AGBL4: variants seen among roughly 807,000 people sequenced by gnomAD.
AGBL4 encodes AGBL carboxypeptidase 4, also known as cytosolic carboxypeptidase 6.
Under a neutral mutation model 66.4 loss-of-function variants are expected in AGBL4, and 58 were observed. That is an observed-to-expected ratio of 0.87 (90% confidence interval 0.71 to 1.09). The LOEUF is 1.09. Among genes scored for constraint, AGBL4 ranks in the 50% least tolerant of loss-of-function variants. The probability of loss-of-function intolerance (pLI) is 0.00; values close to 1 mark genes in which losing one functional copy is unlikely to be tolerated. For missense variants in AGBL4, 579 were observed against 631.0 expected (o/e 0.92, Z 0.88); for synonymous variants, 234 against 222.9 (o/e 1.05, Z -0.44).
intron 3 of AGBL4, among the ~76,000 whole-genome samples, chr1:49,557,898 A>G (rs1643942572): frequency 6.6e-6 from 1 of 151,586 alleles, no homozygotes; most frequent in Non-Finnish European, 1.5e-5. Context: ...AGAAGAAAAC[A>G]TGGAAGAGTG....
intron 2 of AGBL4, among the ~76,000 whole-genome samples, chr1:49,710,962 G>A (rs769547496): frequency 5.3e-4 from 81 of 151,858 alleles, no homozygotes; most frequent in Non-Finnish European, 1.0e-3. Context: ...GAGTTGCCAG[G>A]AAGCATATAA....
intron 3 of AGBL4, among the ~76,000 whole-genome samples, chr1:49,431,140 T>G (rs977453242): frequency 6.6e-6 from 1 of 152,218 alleles, no homozygotes; most frequent in African/African-American, 2.4e-5. Context: ...GTTGAGTATA[T>G]ACTACTAGGA....
At chr1:49,816,447 A>C (rs1478582979) in intron 2 of AGBL4, among the ~76,000 whole-genome samples, 1 of 152,178 alleles carries the variant, frequency 6.6e-6, no homozygotes, top group Non-Finnish European at 1.5e-5. Flanking sequence ...TAGTGGTCCA[A>C]GGAAATATGT....
At chr1:49,376,179 C>T (rs987259287) in intron 3 of AGBL4, among the ~76,000 whole-genome samples, 1 of 152,064 alleles carries the variant, frequency 6.6e-6, no homozygotes, top group Non-Finnish European at 1.5e-5. Context: ...CCATTTCATA[C>T]CTTTATGCCT....
intron 3 of AGBL4, among the ~76,000 whole-genome samples, chr1:49,370,762 G>C (rs975871967): frequency 6.6e-6 from 1 of 152,092 alleles, no homozygotes; most frequent in African/African-American, 2.4e-5. Flanking sequence ...AAAATGCTTA[G>C]AATACAACAC....
intron 3 of AGBL4, among the ~76,000 whole-genome samples, chr1:49,442,778 G>A (rs1235133641): frequency 6.6e-6 from 1 of 152,148 alleles, no homozygotes; most frequent in East Asian, 1.9e-4. Context: ...TCCCAGTAAT[G>A]GGATTGCTGG....
chr1:49,625,969 T>C (rs895597828), intron 3 of AGBL4, among the ~76,000 whole-genome samples: 1 of 152,134 alleles, frequency 6.6e-6, no homozygotes, highest in African/African-American at 2.4e-5. Context: ...AATTCAAACA[T>C]CCTTCTCTAC....
At chr1:49,551,309 C>A (rs1017501589) in intron 3 of AGBL4, among the ~76,000 whole-genome samples, 16 of 152,022 alleles carry the variant, frequency 1.1e-4, no homozygotes, top group African/African-American at 3.6e-4. Flanking sequence ...TCAGGGATTT[C>A]TTCTTGTTTT....
intron 3 of AGBL4, among the ~76,000 whole-genome samples, chr1:49,281,693 A>T (rs1644275710): frequency 6.6e-6 from 1 of 152,216 alleles, no homozygotes; most frequent in African/African-American, 2.4e-5. Context: ...TGGAATCTTC[A>T]GAGTGATAAA....
intron 3 of AGBL4, among the ~76,000 whole-genome samples, chr1:49,392,154 TA>T (rs1644864324): frequency 6.6e-6 from 1 of 152,192 alleles, no homozygotes; most frequent in African/African-American, 2.4e-5. Context: ...TTAAATTTTT[TA>T]AAAGTAAATT....
At chr1:48,656,248 C>G (rs1262251198) in intron 7 of AGBL4, among the ~76,000 whole-genome samples, 1 of 152,246 alleles carries the variant, frequency 6.6e-6, no homozygotes, top group Non-Finnish European at 1.5e-5. Flanking sequence ...TCTAGCCAAA[C>G]CTCAACTGAG....
chr1:49,707,897 T>C (rs577968573), intron 2 of AGBL4, among the ~76,000 whole-genome samples: 1 of 152,298 alleles, frequency 6.6e-6, no homozygotes, highest in South Asian at 2.1e-4. Context: ...TCTTCTGGCT[T>C]GTAGGGTTTC....
At chr1:50,001,463 GTA>G (rs1660746778) in intron 1 of AGBL4, among the ~76,000 whole-genome samples, 1 of 149,496 alleles carries the variant, frequency 6.7e-6, no homozygotes, top group Non-Finnish European at 1.5e-5. Context: ...GTGTGTGTCC[GTA>G]TATGTGTGTG....
intron 5 of AGBL4, among the ~76,000 whole-genome samples, chr1:48,896,352 A>C (rs1001497425): frequency 6.6e-6 from 1 of 152,260 alleles, no homozygotes; most frequent in African/African-American, 2.4e-5. Flanking sequence ...CTCGAGCTTC[A>C]GTTTCCTGTT....
At chr1:49,332,644 AATGTT>A (rs1377722206) in intron 3 of AGBL4, among the ~76,000 whole-genome samples, 3 of 152,214 alleles carry the variant, frequency 2.0e-5, no homozygotes, top group Non-Finnish European at 4.4e-5. Flanking sequence ...AGTAAAACCC[AATGTT>A]ATAAGTGAAT....
intron 4 of AGBL4, among the ~76,000 whole-genome samples, chr1:49,084,960 G>C (rs533857761): frequency 6.6e-6 from 1 of 152,194 alleles, no homozygotes; most frequent in African/African-American, 2.4e-5. Flanking sequence ...AAGGTGTGAT[G>C]GTTTAATTTT....
At chr1:49,436,541 T>C (rs990091952) in intron 3 of AGBL4, among the ~76,000 whole-genome samples, 14 of 152,142 alleles carry the variant, frequency 9.2e-5, no homozygotes, top group Non-Finnish European at 2.1e-4. Context: ...TATATCCTCA[T>C]TGAAAGTACT....
At chr1:49,556,984 CG>C (rs1243140314) in intron 3 of AGBL4, among the ~76,000 whole-genome samples, 2 of 152,118 alleles carry the variant, frequency 1.3e-5, no homozygotes, top group African/African-American at 4.8e-5. Context: ...CGGTGCCTGC[CG>C]GCTGCTAGCT....
intron 4 of AGBL4, among the ~76,000 whole-genome samples, chr1:49,162,057 C>A (rs1646551172): frequency 6.6e-6 from 1 of 152,080 alleles, no homozygotes; most frequent in Admixed American, 6.6e-5. Context: ...TTCATCTGGG[C>A]AACAGAGATA....
Sources: allele counts gnomAD v4.1 joint callset (sites outside exome capture counted in the v4.1 genomes callset), GRCh38; gene constraint gnomAD v4.1.1; transcripts MANE v1.5; gene names NCBI Gene and HGNC (gene_info 2026-07-23, HGNC 2026-07-21).